The following UNC13C variants were observed in gnomAD, a reference collection of about 807,000 sequenced individuals.
The protein encoded by UNC13C is protein unc-13 homolog C.
UNC13C carries 174 observed loss-of-function variants against 245.4 expected under a neutral mutation model. The ratio of observed to expected loss-of-function variants is 0.71; its 90% confidence interval spans 0.63 to 0.80. The LOEUF (loss-of-function observed/expected upper bound fraction) is 0.80, where lower values mean the gene tolerates loss of function less well. Ranked by LOEUF, UNC13C falls within the 30% of genes least tolerant of loss-of-function variation. UNC13C has a pLI of 0.00. For missense variants in UNC13C, 2,829 were observed against 2,602.9 expected, an observed-to-expected ratio of 1.09 and a Z score of -1.89; for synonymous variants, 992 against 895.1, an observed-to-expected ratio of 1.11 and a Z score of -1.93.
At chr15:54,258,465 G>A (rs1248953904) in intron 8 of UNC13C, among the ~76,000 whole-genome samples, 2 of 152,244 alleles carry the variant, frequency 1.3e-5, no homozygotes, top group East Asian at 3.9e-4. Context: ...CCGGGTTCAA[G>A]CCATTCTCCT....
At chr15:54,047,047 T>G (rs372183268) in intron 2 of UNC13C, among the ~76,000 whole-genome samples, 2 of 152,148 alleles carry the variant, frequency 1.3e-5, no homozygotes, top group African/African-American at 4.8e-5. Flanking sequence ...TGGGTTCACA[T>G]AAGATTTTCT....
chr15:54,187,600 C>G (rs2034037650), intron 4 of UNC13C, among the ~76,000 whole-genome samples: 1 of 152,148 alleles, frequency 6.6e-6, no homozygotes, highest in Non-Finnish European at 1.5e-5. Flanking sequence ...AACTCCTCTT[C>G]ACTGAATCTC....
At chr15:54,327,047 G>A (rs1215851633) in intron 14 of UNC13C, among the ~76,000 whole-genome samples, 2 of 151,996 alleles carry the variant, frequency 1.3e-5, no homozygotes, top group Non-Finnish European at 2.9e-5. Context: ...ACTAGATAAA[G>A]TGTCTCTATG....
At chr15:54,618,128 G>C (rs1344076269) in intron 30 of UNC13C, among the ~76,000 whole-genome samples, 1 of 152,084 alleles carries the variant, frequency 6.6e-6, no homozygotes, top group African/African-American at 2.4e-5. Context: ...AATTATGGTA[G>C]GTGAGAGATT....
intron 20 of UNC13C, among the ~76,000 whole-genome samples, chr15:54,495,369 A>G (rs1468441290): frequency 6.6e-6 from 1 of 152,102 alleles, no homozygotes; most frequent in African/African-American, 2.4e-5. Flanking sequence ...AAGCTTAAAT[A>G]TCATTATAAA....
At chr15:54,558,879 G>A (rs1005574552) in intron 29 of UNC13C, among the ~76,000 whole-genome samples, 5 of 152,124 alleles carry the variant, frequency 3.3e-5, no homozygotes, top group South Asian at 4.1e-4. Context: ...CTTTAAAGGC[G>A]TTCTAGCTGG....
At chr15:54,033,582 A>G (rs1896454475) in intron 2 of UNC13C, among the ~76,000 whole-genome samples, 1 of 152,288 alleles carries the variant, frequency 6.6e-6, no homozygotes, top group South Asian at 2.1e-4. Flanking sequence ...GGCCCCAAGA[A>G]GGACCTGGGA....
chr15:53,959,797 G>A, the UNC13C span, among the ~76,000 whole-genome samples: 1 of 152,106 alleles, frequency 6.6e-6, no homozygotes, highest in East Asian at 1.9e-4. Flanking sequence ...AAATCTTACA[G>A]CCAAGTTCTT....
At chr15:54,157,442 A>G (rs2032796361) in intron 4 of UNC13C, among the ~76,000 whole-genome samples, 1 of 152,206 alleles carries the variant, frequency 6.6e-6, no homozygotes, top group Admixed American at 6.5e-5. Context: ...TAGCACACAT[A>G]GAAAATAATA....
At chr15:54,112,206 A>T (rs1900814892) in intron 2 of UNC13C, among the ~76,000 whole-genome samples, 1 of 152,218 alleles carries the variant, frequency 6.6e-6, no homozygotes, top group Non-Finnish European at 1.5e-5. Flanking sequence ...TCGTTGCCTC[A>T]TGCCAAGGAA....
intron 11 of UNC13C, among the ~76,000 whole-genome samples, chr15:54,296,381 TTA>T (rs201470645): frequency 0.02 from 1,641 of 81,970 alleles, 41 homozygotes; most frequent in African/African-American, 0.12. Context: ...TTTTTTTTTT[TTA>T]TTTTTTTTTA....
chr15:54,298,663 T>C (rs1254721767), intron 12 of UNC13C, among the ~76,000 whole-genome samples: 2 of 152,120 alleles, frequency 1.3e-5, no homozygotes, highest in African/African-American at 4.8e-5. Flanking sequence ...CTTTTGTGTC[T>C]CAGTAGAGAA....
chr15:54,507,196 T>C lies in UNC13C; in HGVS notation c.5379+2T>C. Reference sequence around the variant, plus strand: ...TCACATTGTGATAAGGAAAATGTGGTAAGTAAAAAATGTCTCTACTTTCAA... The same window carrying C: ...TCACATTGTGATAAGGAAAATGTGGCAAGTAAAAAATGTCTCTACTTTCAA... On this transcript the variant is annotated splice_donor_variant, in intron 23 of 32. Transcript: ENST00000260323. LOFTEE classifies it high-confidence loss of function. 1 of 1,574,490 alleles carries C rather than the reference T, an allele frequency of 6.4e-7. No homozygotes were observed. Among genetic ancestry groups the C allele is most frequent in the Non-Finnish European group, 8.7e-7 (1 of 1,155,746 alleles).
At chr15:54,567,388 A>G (rs1443806476) in intron 29 of UNC13C, among the ~76,000 whole-genome samples, 3 of 152,108 alleles carry the variant, frequency 2.0e-5, no homozygotes, top group Admixed American at 1.3e-4. Context: ...TCTGGAAAAT[A>G]TGTGGCCGGA....
At chr15:53,874,546 T>C in the UNC13C span, among the ~76,000 whole-genome samples, 7 of 152,180 alleles carry the variant, frequency 4.6e-5, 1 homozygote, top group South Asian at 1.0e-3. Context: ...ATTTTCATTA[T>C]GCGGGTGAGA....
In UNC13C at chr15:54,333,166, C is replaced by G. The variant is rs74702752; in HGVS notation, c.4495-601C>G. On this transcript the variant is annotated intron_variant, in intron 15 of 32. Coordinates refer to ENST00000260323, the MANE Select transcript of UNC13C (RefSeq NM_001080534.3). ...AAATTGACCAAAGTAAAAATTGTTT[C>G]TTAGTTCAAACATTTTATCATTATA... 4.1e-3 allele frequency among the ~76,000 whole-genome samples: 618 copies of G among 152,056 alleles called. 26 individuals are homozygous for G. In the East Asian group the frequency reaches 0.087, roughly 21 times the overall value.
rs1175829361 is a variant in UNC13C, at chr15:54,049,459, A to G, written c.2983+33573A>G. 1.6e-5 allele frequency: 7 copies of G among 426,674 alleles called. No individual in the cohort carries two copies. The East Asian group carries it at 4.4e-4, about 27-fold the overall frequency. The allele number at this position is 426,674 out of a possible 1,614,324, so 26.4% of individuals were successfully genotyped here. On this transcript the variant is annotated intron_variant, in intron 2 of 32. Coordinates refer to ENST00000260323, the MANE Select transcript of UNC13C (RefSeq NM_001080534.3). ...GGAGACCACATAACATTGAAGAGAC[A>G]TTGAAACAACTAAGTGTGCAGAGTT...
At position 54,015,719 on chromosome 15, in the gene UNC13C, A is replaced by T. The variant is rs774501089; in HGVS notation, c.2816A>T (p.Asn939Ile). 6.2e-7 allele frequency: 1 copy of T among 1,613,678 alleles called. No individual in the cohort carries two copies. Among genetic ancestry groups the T allele is most frequent in the Non-Finnish European group, 8.5e-7 (1 of 1,179,776 alleles). The change falls in exon 2 of 33, where the codon AAT (asparagine) becomes ATT (isoleucine). Residue 939 changes from asparagine (N) to isoleucine (I), a missense_variant. Coordinates refer to ENST00000260323, the MANE Select transcript of UNC13C (RefSeq NM_001080534.3). ...AGTGAAGAGGGGTTAGAACCCTTAA[A>T]TGAAACATCAGCTGAGATGGAAATA... Reference protein sequence around the residue: ...MVSEEGLEPLNETSAEMEIRE... With the variant: ...MVSEEGLEPLIETSAEMEIRE...
At chr15:54,003,045 C>T (rs1894968039) in intron 1 of UNC13C, among the ~76,000 whole-genome samples, 1 of 152,114 alleles carries the variant, frequency 6.6e-6, no homozygotes, top group Non-Finnish European at 1.5e-5. Flanking sequence ...GTTCAAACTG[C>T]ACTCCCCAAC....
Sources: gnomAD v4.1 joint callset for allele counts (sites outside exome capture counted in the v4.1 genomes callset) on GRCh38, gnomAD v4.1.1 for gene constraint, MANE v1.5 for transcripts, NCBI Gene and HGNC (gene_info 2026-07-23, HGNC 2026-07-21) for gene names.